STIMATE: variants seen among roughly 807,000 people sequenced by gnomAD.
STIMATE encodes store-operated calcium entry regulator STIMATE.
Under a neutral mutation model 36.7 loss-of-function variants are expected in STIMATE, and 15 were observed. The ratio of observed to expected loss-of-function variants is 0.41; its 90% CI spans 0.27 to 0.63. The LOEUF is 0.63. STIMATE is among the 20% of genes least tolerant of loss of function. STIMATE has a pLI of 0.32. For synonymous variants in STIMATE, 163 were observed against 162.3 expected (o/e 1.00, Z -0.03); for missense variants, 305 against 397.3 (o/e 0.77, Z 1.98).
chr3:52,869,856 A>C (rs34795947), intron 1 of STIMATE, among the ~76,000 whole-genome samples: 6,555 of 152,270 alleles, frequency 0.043, 256 homozygotes, highest in Non-Finnish European at 0.06. Flanking sequence ...GACCAGGGAG[A>C]CTTGCTTAAC....
intron 1 of STIMATE, among the ~76,000 whole-genome samples, chr3:52,856,784 A>G (rs1178329806): frequency 6.6e-6 from 1 of 152,232 alleles, no homozygotes; most frequent in Non-Finnish European, 1.5e-5. Context: ...TTGGATAGCA[A>G]AGAACTTGCC....
chr3:52,856,202 A>G (rs1321657561), intron 1 of STIMATE, among the ~76,000 whole-genome samples: 1 of 152,194 alleles, frequency 6.6e-6, no homozygotes, highest in Non-Finnish European at 1.5e-5. Flanking sequence ...TGGCTTTAAC[A>G]CAATAGGTAA....
In STIMATE at chr3:52,836,978, C is replaced by A; in HGVS notation, c.*3516G>T. The A allele has an allele frequency of 5.2e-6, 1 of 190,492 alleles. No homozygotes were observed. Among genetic ancestry groups the A allele is most frequent in the East Asian group, 1.4e-4 (1 of 7,236 alleles). 11.8% of individuals were successfully genotyped at this position (190,492 alleles called of 1,614,324 possible). ...ACAACCCAACCAACCAACCACCAAC[C>A]AACCCAGGAGCTCAAGGTGCTTGTG... On this transcript the variant is annotated 3_prime_UTR_variant, in exon 8 of 8. Coordinates refer to ENST00000355083, the MANE Select transcript of STIMATE (RefSeq NM_198563.5).
intron 1 of STIMATE, chr3:52,895,890 A>T: frequency 7.8e-7 from 1 of 1,288,514 alleles, no homozygotes; most frequent in Non-Finnish European, 1.0e-6. Context: ...TGTCTTGAAA[A>T]CACACACGTA....
intron 7 of STIMATE, among the ~76,000 whole-genome samples, chr3:52,840,937 C>A (rs1700787282): frequency 6.6e-6 from 1 of 152,148 alleles, no homozygotes; most frequent in Non-Finnish European, 1.5e-5. Flanking sequence ...AACTGCTGAC[C>A]TCAAGTAATC....
chr3:52,849,714 C>A, intron 4 of STIMATE, 78 bp downstream of exon 4: 1 of 1,532,204 alleles, frequency 6.5e-7, no homozygotes, highest in Admixed American at 1.8e-5. Flanking sequence ...ATCTGTTTGC[C>A]TGGTGGGCCG....
chr3:52,842,135 G>A (rs752709819), intron 7 of STIMATE, among the ~76,000 whole-genome samples: 5 of 152,192 alleles, frequency 3.3e-5, no homozygotes, highest in Non-Finnish European at 7.3e-5. Flanking sequence ...CAGCCTCTCC[G>A]GGGAAGACGT....
In STIMATE at chr3:52,895,949, AT is replaced by A. The variant is rs1219901549; in HGVS notation, c.160+1341del. ...GCGGATTTTGGCTAAGTTGTCACAA[AT>A]TATTACTGTGGGAACAAGTGGGTAT... On this transcript the variant is annotated intron_variant, in intron 1 of 7. Transcript: ENST00000355083. 3 of 1,289,702 alleles carry A rather than the reference AT, an allele frequency of 2.3e-6. No individual in the cohort carries two copies. The African/African-American group carries it at 4.6e-5, about 20-fold the overall frequency. The allele number at this position is 1,289,702 out of a possible 1,614,324, so 79.9% of individuals were successfully genotyped here. A position where few individuals can be genotyped will look rare whatever the true frequency, so the allele number is the denominator to read the frequency against.
chr3:52,881,205 CAA>C (rs752629885), intron 1 of STIMATE, among the ~76,000 whole-genome samples: 23 of 78,890 alleles, frequency 2.9e-4, no homozygotes, highest in Non-Finnish European at 3.7e-4. Context: ...ACTCTTGTCT[CAA>C]AAAAAAAAAA....
At chr3:52,849,035 T>C (rs893892577) in intron 4 of STIMATE, among the ~76,000 whole-genome samples, 2 of 152,202 alleles carry the variant, frequency 1.3e-5, no homozygotes, top group East Asian at 1.9e-4. Flanking sequence ...TAGAAGTGAG[T>C]GGCCCTTGAG....
chr3:52,855,347 C>T, intron 2 of STIMATE, 49 bp downstream of exon 2: 1 of 1,607,496 alleles, frequency 6.2e-7, no homozygotes, highest in Non-Finnish European at 8.5e-7. Flanking sequence ...CCCAAGACCC[C>T]CAACATAGTC....
At chr3:52,884,348 C>T (rs1257123585) in intron 1 of STIMATE, among the ~76,000 whole-genome samples, 4 of 151,506 alleles carry the variant, frequency 2.6e-5, no homozygotes, top group African/African-American at 7.3e-5. Context: ...CGGGTTCAAG[C>T]GATTCTCCTG....
intron 1 of STIMATE, among the ~76,000 whole-genome samples, chr3:52,866,461 C>T (rs1701314452): frequency 6.6e-6 from 1 of 152,232 alleles, no homozygotes; most frequent in African/African-American, 2.4e-5. Flanking sequence ...TCCTTTTCCC[C>T]ATGCTCACGC....
At chr3:52,843,147 T>C in intron 6 of STIMATE, 187 bp from the exon 7 acceptor site, 1 of 1,153,770 alleles carries the variant, frequency 8.7e-7, no homozygotes, top group Non-Finnish European at 1.2e-6. Context: ...CATCCTCGGG[T>C]TCAGTTTTCT....
intron 1 of STIMATE, chr3:52,895,830 G>A (rs1322724788): frequency 3.3e-6 from 4 of 1,221,956 alleles, no homozygotes; most frequent in Non-Finnish European, 4.3e-6. Context: ...GAGAAAGGAA[G>A]GCTGTCTGGA....
chr3:52,893,046 GA>G (rs34833389), intron 1 of STIMATE, among the ~76,000 whole-genome samples: 221 of 134,324 alleles, frequency 1.6e-3, no homozygotes, highest in African/African-American at 1.6e-3. Flanking sequence ...CAGAAACATT[GA>G]AAAAAAAAAA....
intron 1 of STIMATE, among the ~76,000 whole-genome samples, chr3:52,892,727 A>C (rs751701662): frequency 2.0e-5 from 3 of 152,258 alleles, no homozygotes; most frequent in Non-Finnish European, 4.4e-5. Flanking sequence ...GCCCAGGGGA[A>C]GATGTACCTT....
rs1234616614 is a variant in STIMATE at position 52,839,849 on chromosome 3, A to C, written c.*645T>G. The C allele has an allele frequency of 6.6e-6, 1 of 152,638 alleles. No homozygotes were observed. The highest frequency in any genetic ancestry group is 2.4e-5 in the African/African-American group (1 of 41,458). The allele number at this position is 152,638 out of a possible 1,614,324, so 9.5% of individuals were successfully genotyped here. Reference sequence around the variant, plus strand: ...GAGTTTTTAAATACAATAGTATGAAAATATAACTTAAAAATATAAAAGTCA... The same window carrying C: ...GAGTTTTTAAATACAATAGTATGAACATATAACTTAAAAATATAAAAGTCA... On this transcript the variant is annotated 3_prime_UTR_variant, in exon 8 of 8. Transcript: ENST00000355083.
intron 1 of STIMATE, among the ~76,000 whole-genome samples, chr3:52,885,491 TCAA>T (rs946527360): frequency 6.6e-6 from 1 of 152,228 alleles, no homozygotes; most frequent in African/African-American, 2.4e-5. Context: ...TCCCAGGTGT[TCAA>T]CAACGTCTCT....
Sources: allele counts gnomAD v4.1 joint callset (sites outside exome capture counted in the v4.1 genomes callset), GRCh38; gene constraint gnomAD v4.1.1; transcripts MANE v1.5; gene names NCBI Gene and HGNC (gene_info 2026-07-23, HGNC 2026-07-21).